NRG1: variants seen among roughly 807,000 people sequenced by gnomAD.
NRG1 encodes the protein pro-neuregulin-1, membrane-bound isoform.
NRG1 carries 18 observed loss-of-function variants against 63.8 expected under a neutral mutation model. That is an observed-to-expected ratio of 0.28 (90% CI 0.19 to 0.42). NRG1 has a LOEUF of 0.42. Among genes scored for constraint, NRG1 ranks in the 10% least tolerant of loss-of-function variants. The probability of loss-of-function intolerance (pLI) is 1.00; values close to 1 mark genes in which losing one functional copy is unlikely to be tolerated. For missense variants in NRG1, 762 were observed against 814.7 expected (o/e 0.94, Z 0.79); for synonymous variants, 302 against 301.3 (o/e 1.00, Z -0.02).
At chr8:31,677,643 A>G (rs1471479654) in intron 1 of NRG1, among the ~76,000 whole-genome samples, 1 of 152,104 alleles carries the variant, frequency 6.6e-6, no homozygotes, top group East Asian at 1.9e-4. Context: ...CAACAAATCC[A>G]CAGTAAAATT....
intron 1 of NRG1, among the ~76,000 whole-genome samples, chr8:32,089,141 G>T (rs1009050214): frequency 6.6e-6 from 1 of 152,288 alleles, no homozygotes; most frequent in African/African-American, 2.4e-5. Context: ...AAGGCAATTT[G>T]TAGCTGCAGA....
chr8:32,529,899 T>TA (rs1831266370), intron 1 of NRG1, among the ~76,000 whole-genome samples: 2 of 152,118 alleles, frequency 1.3e-5, no homozygotes, highest in Admixed American at 1.3e-4. Flanking sequence ...AAAAGAACAA[T>TA]AAAAAGGATA....
In NRG1 at chr8:31,640,453, G is replaced by A; in HGVS notation, c.37+1022G>A. On this transcript the variant is annotated intron_variant, in intron 1 of 10. Transcript: ENST00000519301. The surrounding 1 kb of genome is among the most constrained non-coding windows in gnomAD (Gnocchi z 6.3). ...GCCCAGCGCCGGCGAGCCCGGGGAG[G>A]AGGCGCCCTATCTGGTGAAGGTGCA... is the stretch of plus-strand genomic sequence containing the variant. The A allele has an allele frequency of 6.4e-7, 1 of 1,562,012 alleles. No homozygotes were observed. Among genetic ancestry groups the A allele is most frequent in the South Asian group, 1.2e-5 (1 of 85,422 alleles).
chr8:31,712,140 T>C (rs1811823046), intron 1 of NRG1, among the ~76,000 whole-genome samples: 1 of 152,068 alleles, frequency 6.6e-6, no homozygotes, highest in Admixed American at 6.6e-5. Context: ...ATGTTCCTTA[T>C]TCTATTTTCT....
chr8:32,053,551 G>A (rs1822339556), intron 1 of NRG1, among the ~76,000 whole-genome samples: 1 of 152,200 alleles, frequency 6.6e-6, no homozygotes, highest in Non-Finnish European at 1.5e-5. Context: ...CATCATGAAA[G>A]CTACTGGGTG....
At chr8:31,683,815 C>T (rs1808591415) in intron 1 of NRG1, among the ~76,000 whole-genome samples, 1 of 152,024 alleles carries the variant, frequency 6.6e-6, no homozygotes, top group African/African-American at 2.4e-5. Flanking sequence ...TATGGGAACT[C>T]TCACTACTTT....
intron 1 of NRG1, among the ~76,000 whole-genome samples, chr8:32,171,795 G>A (rs1035054458): frequency 6.6e-6 from 1 of 152,076 alleles, no homozygotes; most frequent in Non-Finnish European, 1.5e-5. Flanking sequence ...AGTGAGGCTG[G>A]GGGAGGGACG....
At chr8:32,523,901 T>C (rs1830565676) in intron 1 of NRG1, among the ~76,000 whole-genome samples, 1 of 152,096 alleles carries the variant, frequency 6.6e-6, no homozygotes, top group Admixed American at 6.6e-5. Flanking sequence ...TTGCAAACAG[T>C]AGGTCTATAT....
At chr8:32,395,407 T>G (rs1419949783) in intron 1 of NRG1, among the ~76,000 whole-genome samples, 4 of 152,186 alleles carry the variant, frequency 2.6e-5, no homozygotes. Flanking sequence ...GACTGGCGTA[T>G]TCATTCTTTT....
At chr8:31,956,579 G>A (rs1034669071) in intron 1 of NRG1, among the ~76,000 whole-genome samples, 13 of 152,224 alleles carry the variant, frequency 8.5e-5, no homozygotes, top group South Asian at 8.3e-4. Context: ...AGCCGAGATC[G>A]TGCCACTGCA....
In NRG1 at chr8:31,916,243, G is replaced by C. The variant is rs1460066752; in HGVS notation, c.37+276812G>C. Among the ~76,000 whole-genome samples the C allele has an allele frequency of 2.0e-5, 3 of 151,756 alleles. No individual in the cohort carries two copies. The East Asian group carries it at 5.8e-4, about 29-fold the overall frequency. ...TTTATTATTATACTTTAAGTTTTAG[G>C]GTATATGTGCACAATGTGCAGGTTA... On this transcript the variant is annotated intron_variant, in intron 1 of 10. Transcript: ENST00000519301.
Position 32,536,922 on chromosome 8 carries a change from CAAAAAAAAAA to C in NRG1, c.38-58888_38-58879del, listed in dbSNP as rs35265022. Among the ~76,000 whole-genome samples, 19 of 35,918 alleles carry C rather than the reference CAAAAAAAAAA, an allele frequency of 5.3e-4. No individual in the cohort carries two copies. The Admixed American group carries it at 8.8e-3, about 17-fold the overall frequency. 23.6% of individuals were successfully genotyped at this position (35,918 alleles called of 152,430 possible). A position where few individuals can be genotyped will look rare whatever the true frequency, so the allele number is the denominator to read the frequency against. Reference sequence around the variant, plus strand: ...TGGGCGATGGAGCAAGACTCCGTCTCAAAAAAAAAAAAAAAAAAAAAAAAAAATTCTGTTT... The same window carrying C: ...TGGGCGATGGAGCAAGACTCCGTCTCAAAAAAAAAAAAAAAAATTCTGTTT... On this transcript the variant is annotated intron_variant, in intron 1 of 10. Coordinates refer to the NRG1 transcript ENST00000519301.
intron 5 of NRG1, among the ~76,000 whole-genome samples, chr8:32,692,260 C>T (rs536905918): frequency 6.6e-6 from 1 of 152,324 alleles, no homozygotes; most frequent in African/African-American, 2.4e-5. Flanking sequence ...TTCTGTGTAG[C>T]TATTTTCTAG....
chr8:32,373,170 C>A (rs1387124587), intron 1 of NRG1, among the ~76,000 whole-genome samples: 1 of 152,118 alleles, frequency 6.6e-6, no homozygotes, highest in Non-Finnish European at 1.5e-5. Flanking sequence ...AAAAACAAAA[C>A]AGTGAAAACC....
chr8:32,749,859 T>G, intron 7 of NRG1: 1 of 486,642 alleles, frequency 2.1e-6, no homozygotes, highest in Non-Finnish European at 3.7e-6. Context: ...CCACGCTGCT[T>G]AACCCACTGA....
intron 1 of NRG1, among the ~76,000 whole-genome samples, chr8:32,594,528 A>G (rs1843034537): frequency 6.6e-6 from 1 of 152,174 alleles, no homozygotes; most frequent in African/African-American, 2.4e-5. Flanking sequence ...ACACCACCAC[A>G]TGTCCGTATT....
chr8:32,060,142 A>G (rs1823600510), intron 1 of NRG1, among the ~76,000 whole-genome samples: 1 of 151,622 alleles, frequency 6.6e-6, no homozygotes, highest in African/African-American at 2.4e-5. Context: ...GTCTTTGTTC[A>G]TTTATTTCTT....
At chr8:31,968,297 G>A (rs1806700513) in intron 1 of NRG1, among the ~76,000 whole-genome samples, 1 of 152,150 alleles carries the variant, frequency 6.6e-6, no homozygotes, top group Non-Finnish European at 1.5e-5. Flanking sequence ...GAAGGATTTA[G>A]CAACCCAGAA....
intron 1 of NRG1, among the ~76,000 whole-genome samples, chr8:32,316,384 G>A (rs1488745551): frequency 5.9e-5 from 9 of 151,690 alleles, no homozygotes; most frequent in African/African-American, 2.2e-4. Context: ...GCTGAGGCAG[G>A]AGAATCGCTT....
Sources: gnomAD v4.1 joint callset for allele counts (sites outside exome capture counted in the v4.1 genomes callset) on GRCh38, gnomAD v4.1.1 for gene constraint, Gnocchi (gnomAD v3.1) non-coding constraint, MANE v1.5 for transcripts, NCBI Gene and HGNC (gene_info 2026-07-23, HGNC 2026-07-21) for gene names.